The following PFKFB3 variants were observed in gnomAD, a reference collection of about 807,000 sequenced individuals.
The protein encoded by PFKFB3 is 6-phosphofructo-2-kinase/fructose-2,6-biphosphatase 3.
In PFKFB3, 33 loss-of-function variants were observed where a neutral mutation model predicts 68.0. The ratio of observed to expected loss-of-function variants is 0.49; its 90% CI spans 0.37 to 0.65. The LOEUF is 0.65. PFKFB3 is among the 30% of genes least tolerant of loss of function. The pLI is 0.00. For missense variants in PFKFB3, 586 were observed against 712.2 expected, an observed-to-expected ratio of 0.82 and a Z score of 2.02; for synonymous variants, 315 against 288.2, an observed-to-expected ratio of 1.09 and a Z score of -0.94.
In PFKFB3 at chr10:6,220,659, G is replaced by A. The variant is rs771551601; in HGVS notation, c.625G>A (p.Asp209Asn). The A allele has an allele frequency of 6.2e-7, 1 of 1,612,064 alleles. No individual in the cohort carries two copies. The highest frequency in any genetic ancestry group is 8.5e-7 in the Non-Finnish European group (1 of 1,179,352). Reference sequence around the variant, plus strand: ...GTTCTCGGTGGGGTCTCTCTGCAGGGACTTGTCGCTGATCAAGGTGATTGA... The same window carrying A: ...GTTCTCGGTGGGGTCTCTCTGCAGGAACTTGTCGCTGATCAAGGTGATTGA... The part of the protein sequence containing the change: ...QPLDPDKCDR[D>N]LSLIKVIDVG... Residue 209 changes from aspartate to asparagine, a missense_variant and splice_region_variant, in exon 8 of 15, where the codon GAC becomes AAC. By Grantham distance (23) the Asp-to-Asn change is conservative. Transcript: ENST00000379775. The surrounding 1 kb of genome is among the most constrained non-coding windows in gnomAD (Gnocchi z 4.1).
intron 1 of PFKFB3, among the ~76,000 whole-genome samples, 169 bp downstream of exon 1, chr10:6,203,505 G>A (rs1007979566): frequency 6.7e-6 from 1 of 150,164 alleles, no homozygotes; most frequent in African/African-American, 2.4e-5. Context: ...GGCGGCGGGG[G>A]CGCTGTGGCC....
upstream of PFKFB3, among the ~76,000 whole-genome samples, chr10:6,200,674 GGCGGGGGGTGGTGGT>G (rs2081833846): frequency 8.1e-6 from 1 of 124,092 alleles, no homozygotes; most frequent in Admixed American, 7.5e-5. Context: ...GGGGGGGGGG[GGCGGGGGGTGGTGGT>G]GGGGCGGGGA....
chr10:6,254,393 A>G (rs921300328), exon 15 of PFKFB3: 14 of 398,418 alleles, frequency 3.5e-5, no homozygotes, highest in Middle Eastern at 6.2e-4. Context: ...AAAGAGACCA[A>G]TTAACCTGAG....
intron 1 of PFKFB3, among the ~76,000 whole-genome samples, chr10:6,194,412 A>G (rs1236658964): frequency 6.6e-6 from 1 of 152,240 alleles, no homozygotes; most frequent in South Asian, 2.1e-4. Context: ...CCGCTGCGCT[A>G]AAGTCTAGGA....
In PFKFB3 at chr10:6,161,603, CACAT is replaced by C. The variant is rs1841975955; in HGVS notation, c.16+16592_16+16595del. ...ACACACACATATATATATACACACA[CACAT>C]ATATATACACACACACACATATATA... On this transcript the variant is annotated intron_variant, in intron 1 of 14. Coordinates refer to the PFKFB3 transcript ENST00000379789. 8.7e-5 allele frequency among the ~76,000 whole-genome samples: 13 copies of C among 148,992 alleles called. No individual in the cohort carries two copies. In the South Asian group the frequency reaches 2.8e-3, roughly 32 times the overall value.
intron 10 of PFKFB3, 61 bp downstream of exon 10, chr10:6,221,806 C>G: frequency 8.7e-7 from 1 of 1,151,640 alleles, no homozygotes; most frequent in Non-Finnish European, 1.3e-6. Flanking sequence ...CTGTGCAGGG[C>G]TGGGCCACCC....
At chr10:6,244,624 T>C (rs1846214551) in intron 14 of PFKFB3, among the ~76,000 whole-genome samples, 1 of 151,994 alleles carries the variant, frequency 6.6e-6, no homozygotes, top group Admixed American at 6.6e-5. Flanking sequence ...ATTAGTTCTT[T>C]TGCAAGCAGA....
intron 1 of PFKFB3, among the ~76,000 whole-genome samples, chr10:6,164,554 AT>A (rs1325752554): frequency 6.6e-6 from 1 of 152,182 alleles, no homozygotes; most frequent in African/African-American, 2.4e-5. Context: ...GAGAAAAGAA[AT>A]AAGACACAAA....
chr10:6,203,090 A>G lies in PFKFB3; in HGVS notation c.-171A>G. ...GCACACGTCGAGCCCCGCACAGGCG[A>G]GGGTCCGGAACTTAGCCCAAAGCAC... On this transcript the variant is annotated 5_prime_UTR_variant, in exon 1 of 15. Coordinates refer to ENST00000379775, the MANE Select transcript of PFKFB3 (RefSeq NM_004566.4). 7.0e-7 allele frequency: 1 copy of G among 1,434,016 alleles called. No individual in the cohort carries two copies. Among genetic ancestry groups the G allele is most frequent in the Non-Finnish European group, 9.1e-7 (1 of 1,098,680 alleles). 88.8% of individuals were successfully genotyped at this position (1,434,016 alleles called of 1,614,324 possible). A position where few individuals can be genotyped will look rare whatever the true frequency, so the allele number is the denominator to read the frequency against.
intron 14 of PFKFB3, chr10:6,231,646 C>G: frequency 2.1e-6 from 2 of 949,122 alleles, no homozygotes; most frequent in Non-Finnish European, 2.5e-6. Context: ...AATGTCAGCC[C>G]TGCTCTGTGA....
chr10:6,272,634 C>G, the PFKFB3 span, among the ~76,000 whole-genome samples: 1 of 151,924 alleles, frequency 6.6e-6, no homozygotes, highest in Non-Finnish European at 1.5e-5. Context: ...GGCAGAGGTT[C>G]CAGTGAGCCC....
chr10:6,209,543 G>A (rs1463688936), intron 1 of PFKFB3, among the ~76,000 whole-genome samples: 2 of 151,360 alleles, frequency 1.3e-5, no homozygotes, highest in Non-Finnish European at 2.9e-5. Context: ...GTACAATCTC[G>A]GCTCACTGCA....
At chr10:6,244,713 G>C (rs1846216626) in intron 14 of PFKFB3, among the ~76,000 whole-genome samples, 1 of 151,318 alleles carries the variant, frequency 6.6e-6, no homozygotes, top group African/African-American at 2.4e-5. Context: ...AGCTGGAAAG[G>C]GCAGCTAAGG....
chr10:6,299,933 A>G, the PFKFB3 span, among the ~76,000 whole-genome samples: 4 of 121,952 alleles, frequency 3.3e-5, no homozygotes, highest in South Asian at 2.7e-4. Context: ...CTAGGCTTGC[A>G]TTCCCAGAGC....
In PFKFB3 at chr10:6,232,885, C is replaced by T. The variant is rs986240350; in HGVS notation, c.1516-10C>T. 31 of 1,610,902 alleles carry T rather than the reference C, an allele frequency of 1.9e-5. No individual in the cohort carries two copies. The highest frequency in any genetic ancestry group is 2.7e-5 in the African/African-American group (2 of 74,878). On this transcript the variant is annotated splice_polypyrimidine_tract_variant and intron_variant, in intron 14 of 14. Transcript: ENST00000379775. ...ACTCCCTCCCCACCTCTCTTTTCTC[C>T]TGAAAACAGAACATGAAAGGCTCCC...
At chr10:6,165,001 G>A (rs1292490753) in intron 1 of PFKFB3, among the ~76,000 whole-genome samples, 2 of 151,456 alleles carry the variant, frequency 1.3e-5, no homozygotes, top group Non-Finnish European at 2.9e-5. Context: ...ACTGCAAAGA[G>A]GCCCCCTCTC....
At chr10:6,270,983 C>T in the PFKFB3 span, among the ~76,000 whole-genome samples, 1 of 152,300 alleles carries the variant, frequency 6.6e-6, no homozygotes, top group Non-Finnish European at 1.5e-5. Flanking sequence ...GTAGATTTTC[C>T]CAGTTCTTAA....
intron 1 of PFKFB3, among the ~76,000 whole-genome samples, chr10:6,175,172 G>C (rs919757062): frequency 1.3e-5 from 2 of 152,110 alleles, no homozygotes; most frequent in Admixed American, 1.3e-4. Context: ...TCAAACCTCA[G>C]TTTTACCCCC....
the PFKFB3 span, among the ~76,000 whole-genome samples, chr10:6,319,293 T>A: frequency 6.6e-6 from 1 of 152,202 alleles, no homozygotes; most frequent in African/African-American, 2.4e-5. Context: ...GGTTAAAGAA[T>A]ATTTGGTACA....
Sources: allele counts gnomAD v4.1 joint callset (sites outside exome capture counted in the v4.1 genomes callset), GRCh38; gene constraint gnomAD v4.1.1; non-coding constraint Gnocchi (gnomAD v3.1); transcripts MANE v1.5; gene names NCBI Gene and HGNC (gene_info 2026-07-23, HGNC 2026-07-21).